The following CGGBP1 variants were observed in gnomAD, a reference collection of about 807,000 sequenced individuals.
The protein encoded by CGGBP1 is CGG triplet repeat binding protein 1, also known as CGG triplet repeat-binding protein 1.
A neutral mutation model predicts 11.4 loss-of-function variants in CGGBP1; 4 were observed. That is an observed-to-expected ratio of 0.35 (90% confidence interval 0.17 to 0.80). The LOEUF (loss-of-function observed/expected upper bound fraction) is 0.80. CGGBP1 is among the 30% of genes least tolerant of loss of function. CGGBP1 has a pLI of 0.52. For missense variants in CGGBP1, 135 were observed against 202.1 expected (o/e 0.67, Z 2.01); for synonymous variants, 76 against 74.1 (o/e 1.03, Z -0.13).
At chr3:88,125,016 C>A (rs573813145) in intron 2 of CGGBP1, among the ~76,000 whole-genome samples, 85 of 152,146 alleles carry the variant, frequency 5.6e-4, no homozygotes, top group African/African-American at 1.9e-3. Flanking sequence ...GAGATTGAGA[C>A]TATCCTGGCT....
chr3:88,073,903 T>G (rs1241993771), intron 2 of CGGBP1, among the ~76,000 whole-genome samples: 1 of 152,222 alleles, frequency 6.6e-6, no homozygotes, highest in African/African-American at 2.4e-5. Context: ...ATTTTCTCCT[T>G]TTAGTAATGT....
At chr3:88,066,791 C>CAAACAA (rs999815854) in intron 2 of CGGBP1, among the ~76,000 whole-genome samples, 1 of 152,022 alleles carries the variant, frequency 6.6e-6, no homozygotes, top group Non-Finnish European at 1.5e-5. Flanking sequence ...TTAAAAATTA[C>CAAACAA]AAACAAAAAC....
At chr3:88,120,504 A>G (rs1576319974) in intron 2 of CGGBP1, among the ~76,000 whole-genome samples, 1 of 152,152 alleles carries the variant, frequency 6.6e-6, no homozygotes, top group Admixed American at 6.6e-5. Flanking sequence ...TAATTGTAGA[A>G]ATGGCAAGGA....
intron 2 of CGGBP1, among the ~76,000 whole-genome samples, chr3:88,071,660 C>T (rs866883417): frequency 5.1e-5 from 7 of 138,414 alleles, no homozygotes; most frequent in South Asian, 2.4e-4. Context: ...AAAAATTAGC[C>T]GGGCGTGGTG....
chr3:88,103,492 A>G (rs541483444), intron 2 of CGGBP1, among the ~76,000 whole-genome samples: 1 of 152,318 alleles, frequency 6.6e-6, no homozygotes, highest in African/African-American at 2.4e-5. Flanking sequence ...GGAAAATCTA[A>G]AACTGTATAA....
Position 88,058,949 on chromosome 3 carries a change from G to C in CGGBP1, c.-465C>G, listed in dbSNP as rs1228677913. On this transcript the variant is annotated 5_prime_UTR_variant, in exon 1 of 4. Coordinates refer to ENST00000482016, the MANE Select transcript of CGGBP1 (RefSeq NM_001008390.2). ...CCGCCGTCGCCGCCGTTGCCCGATC[G>C]AGCCCCGCGGCGGCCGCCGTGTCCC... The C allele has an allele frequency of 1.5e-5, 3 of 202,436 alleles. No individual in the cohort carries two copies. Among genetic ancestry groups the C allele is most frequent in the Non-Finnish European group, 2.9e-5 (3 of 101,812 alleles). The allele number at this position is 202,436 out of a possible 1,614,324, so 12.5% of individuals were successfully genotyped here. A position where few individuals can be genotyped will look rare whatever the true frequency, so the allele number is the denominator to read the frequency against.
intron 2 of CGGBP1, among the ~76,000 whole-genome samples, chr3:88,102,187 T>G (rs2107721464): frequency 6.6e-6 from 1 of 152,232 alleles, no homozygotes; most frequent in East Asian, 1.9e-4. Flanking sequence ...TTCTTCGTGT[T>G]TCTTGATTTT....
At chr3:88,082,894 G>C (rs1264948591) in intron 2 of CGGBP1, among the ~76,000 whole-genome samples, 2 of 152,180 alleles carry the variant, frequency 1.3e-5, no homozygotes, top group South Asian at 2.1e-4. Flanking sequence ...GGATGCCAGC[G>C]TGGTCATGTT....
At chr3:88,094,852 A>T (rs1233354568) in intron 2 of CGGBP1, among the ~76,000 whole-genome samples, 1 of 152,012 alleles carries the variant, frequency 6.6e-6, no homozygotes, top group Non-Finnish European at 1.5e-5. Flanking sequence ...ACAATATTAT[A>T]CTGGCAGCTT....
intron 2 of CGGBP1, among the ~76,000 whole-genome samples, chr3:88,064,174 C>G (rs2107590366): frequency 1.3e-5 from 2 of 151,518 alleles, no homozygotes; most frequent in South Asian, 4.2e-4. Flanking sequence ...TCTTCCTTTC[C>G]TACTTCTTAT....
intron 2 of CGGBP1, among the ~76,000 whole-genome samples, chr3:88,093,961 G>A (rs966810236): frequency 6.6e-6 from 1 of 152,018 alleles, no homozygotes. Flanking sequence ...TTATATTGAC[G>A]AACAATTATT....
At chr3:88,062,045 C>G (rs959049), upstream of CGGBP1, among the ~76,000 whole-genome samples, 119,127 of 152,052 alleles carry the variant, frequency 0.78, 47,584 homozygotes, top group South Asian at 0.91. Flanking sequence ...GTGTCTTTTA[C>G]CATAAGGAAA....
At chr3:88,143,867 T>C (rs1707240100) in intron 1 of CGGBP1, 1 of 151,950 alleles carries the variant, frequency 6.6e-6, no homozygotes, top group African/African-American at 2.4e-5. Flanking sequence ...AAAGAATGTG[T>C]TCATTTTATT....
rs967282825 is a variant in CGGBP1, at chr3:88,058,940, T to G, written c.-456A>C. The stretch of plus-strand genomic sequence containing the variant: ...CCGTCGCTGCCGCCGTCGCCGCCGT[T>G]GCCCGATCGAGCCCCGCGGCGGCCG... On this transcript the variant is annotated 5_prime_UTR_variant, in exon 1 of 4. Transcript: ENST00000482016. 1 of 202,322 alleles carries G rather than the reference T, an allele frequency of 4.9e-6. No homozygotes were observed. Among genetic ancestry groups the G allele is most frequent in the African/African-American group, 2.3e-5 (1 of 42,902 alleles). The allele number at this position is 202,322 out of a possible 1,614,324, so 12.5% of individuals were successfully genotyped here. A position where few individuals can be genotyped will look rare whatever the true frequency, so the allele number is the denominator to read the frequency against.
intron 2 of CGGBP1, among the ~76,000 whole-genome samples, chr3:88,102,770 C>CATGCCT (rs1261447571): frequency 6.8e-6 from 1 of 147,816 alleles, no homozygotes; most frequent in African/African-American, 2.5e-5. Context: ...GAAGAAAAGA[C>CATGCCT]ATGCCTCTTT....
chr3:88,068,921 T>G (rs970616280), intron 2 of CGGBP1, among the ~76,000 whole-genome samples: 1 of 152,182 alleles, frequency 6.6e-6, no homozygotes, highest in Non-Finnish European at 1.5e-5. Flanking sequence ...CATTGTATTG[T>G]ATCTAGGAAT....
At chr3:88,123,328 G>A (rs1705895044) in intron 2 of CGGBP1, among the ~76,000 whole-genome samples, 1 of 152,084 alleles carries the variant, frequency 6.6e-6, no homozygotes, top group Admixed American at 6.5e-5. Flanking sequence ...CCCACGAAGT[G>A]TACATACACA....
intron 1 of CGGBP1, chr3:88,144,716 G>A (rs1287165049): frequency 6.6e-6 from 1 of 152,276 alleles, no homozygotes; most frequent in Non-Finnish European, 1.5e-5. Context: ...GACATATAAG[G>A]TATATATTAA....
upstream of CGGBP1, chr3:88,059,492 G>T (rs534572711): frequency 6.7e-7 from 1 of 1,497,044 alleles, no homozygotes; most frequent in Non-Finnish European, 8.8e-7. Context: ...GATTACTGCC[G>T]ACGCTTCTGT....
Sources: gnomAD v4.1 joint callset for allele counts (sites outside exome capture counted in the v4.1 genomes callset) on GRCh38, gnomAD v4.1.1 for gene constraint, MANE v1.5 for transcripts, NCBI Gene and HGNC (gene_info 2026-07-23, HGNC 2026-07-21) for gene names.